The following ORC1 variants were observed in gnomAD, a reference collection of about 807,000 sequenced individuals.
ORC1 encodes origin recognition complex subunit 1.
In ORC1, 61 loss-of-function variants were observed where a neutral mutation model predicts 98.9. That is an observed-to-expected ratio of 0.62 (90% CI 0.50 to 0.76). The LOEUF (loss-of-function observed/expected upper bound fraction) is 0.76, where lower values mean the gene tolerates loss of function less well. Among genes scored for constraint, ORC1 ranks in the 30% least tolerant of loss-of-function variants. The pLI, the probability that ORC1 is intolerant of heterozygous loss-of-function variation, is 0.00. For synonymous variants in ORC1, 385 were observed against 406.9 expected (o/e 0.95, Z 0.65); for missense variants, 979 against 1,072.2 (o/e 0.91, Z 1.21).
intron 5 of ORC1, among the ~76,000 whole-genome samples, chr1:52,395,175 A>C (rs1021618218): frequency 7.2e-5 from 11 of 152,196 alleles, no homozygotes; most frequent in Non-Finnish European, 2.9e-5. Context: ...CTGTGGGGTG[A>C]GTTTCAGATA....
chr1:52,393,467 A>C lies in ORC1; in HGVS notation c.1058T>G (p.Leu353Arg). The change falls in exon 6 of 17, where the codon CTG becomes CGG. Residue 353 changes from leucine (L) to arginine (R), a missense_variant. By Grantham distance (102) the Leu-to-Arg change is moderately radical. Transcript: ENST00000371568. ...CCTCTTTTTGATGTTTTCTGGTTTC[A>C]GAATCACGGATGGCACCACTGAAGA... ...QRSSVVPSVI[L>R]KPENIKKRDA... The C allele has an allele frequency of 6.2e-7, 1 of 1,614,236 alleles. No individual in the cohort carries two copies. The highest frequency in any genetic ancestry group is 2.2e-5 in the East Asian group (1 of 44,890).
chr1:52,393,870 A>G (rs908283769), intron 5 of ORC1, 67 bp from the exon 6 acceptor site: 35 of 1,503,874 alleles, frequency 2.3e-5, no homozygotes, highest in Non-Finnish European at 2.9e-5. Context: ...ATCTCATCAC[A>G]GCCAAATTCA....
At chr1:52,407,675 C>T (rs975946514), upstream of ORC1, among the ~76,000 whole-genome samples, 4 of 152,188 alleles carry the variant, frequency 2.6e-5, no homozygotes, top group Non-Finnish European at 5.9e-5. Flanking sequence ...AATCCCAGCA[C>T]TTTGGGAGGC....
In ORC1 at chr1:52,397,587, TG is replaced by T. The variant is rs1270405810; in HGVS notation, c.402+97del. ...ATGACAGGAAATAATGCATTCCCTATGGGGTATTAGAGCCGGTAATATTTCT... is the reference window on the plus strand; with the variant it reads ...ATGACAGGAAATAATGCATTCCCTATGGGTATTAGAGCCGGTAATATTTCT... On this transcript the variant is annotated intron_variant, in intron 4 of 16. Transcript: ENST00000371568. The T allele has an allele frequency of 8.4e-5, 90 of 1,070,500 alleles. No individual in the cohort carries two copies. The Admixed American group carries it at 1.5e-3, about 18-fold the overall frequency. 66.3% of individuals were successfully genotyped at this position (1,070,500 alleles called of 1,614,324 possible). A position where few individuals can be genotyped will look rare whatever the true frequency, so the allele number is the denominator to read the frequency against.
upstream of ORC1, among the ~76,000 whole-genome samples, chr1:52,408,006 A>G (rs1270087971): frequency 6.6e-6 from 1 of 152,260 alleles, no homozygotes; most frequent in Non-Finnish European, 1.5e-5. Context: ...CAGTGAATTG[A>G]GATCGTGCCA....
upstream of ORC1, chr1:52,405,639 G>A (rs1647963398): frequency 1.9e-6 from 3 of 1,602,516 alleles, no homozygotes; most frequent in East Asian, 6.7e-5. Context: ...ACTAGGAAGA[G>A]CTTAGCCCTA....
chr1:52,393,909 T>A, intron 5 of ORC1, 106 bp from the exon 6 acceptor site: 2 of 1,230,586 alleles, frequency 1.6e-6, no homozygotes, highest in South Asian at 1.3e-5. Flanking sequence ...AAACAGGAAT[T>A]ATCTATATTT....
At position 52,385,149 on chromosome 1, in the gene ORC1, C is replaced by T. The variant is rs1472649440; in HGVS notation, c.1583+12G>A. The T allele has an allele frequency of 6.4e-7, 1 of 1,569,502 alleles. No homozygotes were observed. Among genetic ancestry groups the T allele is most frequent in the South Asian group, 1.1e-5 (1 of 90,164 alleles). On this transcript the variant is annotated intron_variant, in intron 10 of 16. Transcript: ENST00000371568. ...ATTCCCCAAACTACCCTGCCTGCCTCACATGACTCACCCTCCGGTATGGTC... is the reference window on the plus strand; with the variant it reads ...ATTCCCCAAACTACCCTGCCTGCCTTACATGACTCACCCTCCGGTATGGTC...
intron 6 of ORC1, 57 bp downstream of exon 6, chr1:52,393,386 A>G (rs1647265643): frequency 1.9e-6 from 3 of 1,611,358 alleles, no homozygotes; most frequent in Non-Finnish European, 2.5e-6. Context: ...TATGACTCAC[A>G]TACTTCACGT....
At chr1:52,399,910 A>G (rs1407933842) in intron 3 of ORC1, among the ~76,000 whole-genome samples, 1 of 152,168 alleles carries the variant, frequency 6.6e-6, no homozygotes. Context: ...TTATTACAGC[A>G]TACGATTAGT....
At position 52,385,890 on chromosome 1, in the gene ORC1, G is replaced by C; in HGVS notation, c.1443C>G (p.Ala481=). ...CCTCCAGCACACTGGCTGGCTCCTG[G>C]GCAGCCAGGCTTCGACTACGGATCT... ...APQIRSRSLA[A]QEPASVLEEA... Residue 481 remains alanine, a synonymous_variant, in exon 9 of 17, where the codon GCC becomes GCG. Transcript: ENST00000371568. 6.2e-7 allele frequency: 1 copy of C among 1,613,826 alleles called. No individual in the cohort carries two copies. The highest frequency in any genetic ancestry group is 8.5e-7 in the Non-Finnish European group (1 of 1,179,970).
intron 10 of ORC1, 130 bp from the exon 11 acceptor site, chr1:52,384,851 G>A: frequency 1.2e-6 from 1 of 814,488 alleles, no homozygotes; most frequent in East Asian, 2.7e-5. Flanking sequence ...GGGGGCAGTA[G>A]GGACCATCCT....
chr1:52,384,068 A>G (rs906639644), intron 11 of ORC1, 131 bp from the exon 12 acceptor site: 8 of 738,008 alleles, frequency 1.1e-5, no homozygotes, highest in Non-Finnish European at 1.9e-5. Context: ...CTCCCAATCT[A>G]GTCTTAACCT....
upstream of ORC1, chr1:52,404,930 C>T: frequency 6.3e-7 from 1 of 1,599,138 alleles, no homozygotes; most frequent in Non-Finnish European, 8.5e-7. Flanking sequence ...GCCCATTTCT[C>T]CTGACCGAGC....
chr1:52,385,074 C>T lies in ORC1; in HGVS notation c.1583+87G>A, dbSNP rs563242691. On this transcript the variant is annotated intron_variant, in intron 10 of 16. Coordinates refer to ENST00000371568, the MANE Select transcript of ORC1 (RefSeq NM_004153.4). ...TCTAGTCTGCTGATACTGGAGAAAG[C>T]CTGTATGGCTGAACTGTAACACCCA... 118 of 875,362 alleles carry T rather than the reference C, an allele frequency of 1.3e-4. No individual in the cohort carries two copies. In the African/African-American group the frequency reaches 1.4e-3, roughly 10 times the overall value. 54.2% of individuals were successfully genotyped at this position (875,362 alleles called of 1,614,324 possible).
At chr1:52,390,190 AAAC>A (rs1274853091) in intron 6 of ORC1, among the ~76,000 whole-genome samples, 1 of 152,228 alleles carries the variant, frequency 6.6e-6, no homozygotes, top group African/African-American at 2.4e-5. Flanking sequence ...GAACTAGAAA[AAAC>A]AATACTAAAA....
In ORC1 at chr1:52,389,242, T is replaced by C. The variant is rs1476760968; in HGVS notation, c.1162A>G (p.Met388Val). ...RIRRKSSVLT[M>V]NRIRQQLRFL... ...CGAAGCTGCTGCCTAATCCGATTCATAGTCAAGACAGAACTCTTTCTGCGG... is the reference window on the plus strand; with the variant it reads ...CGAAGCTGCTGCCTAATCCGATTCACAGTCAAGACAGAACTCTTTCTGCGG... The change falls in exon 7 of 17, where the codon ATG becomes GTG. Residue 388 changes from methionine (M) to valine (V), a missense_variant. Transcript: ENST00000371568. The C allele has an allele frequency of 1.2e-6, 2 of 1,614,146 alleles. No homozygotes were observed. Among genetic ancestry groups the C allele is most frequent in the Non-Finnish European group, 1.7e-6 (2 of 1,179,982 alleles).
chr1:52,392,209 A>C (rs1359630132), intron 6 of ORC1, among the ~76,000 whole-genome samples: 2 of 151,842 alleles, frequency 1.3e-5, no homozygotes, highest in South Asian at 2.1e-4. Flanking sequence ...CGCTCACTGC[A>C]AACTCCGCCT....
chr1:52,390,253 A>C (rs1647191306), intron 6 of ORC1, among the ~76,000 whole-genome samples: 1 of 152,258 alleles, frequency 6.6e-6, no homozygotes, highest in African/African-American at 2.4e-5. Context: ...AATACTAAGC[A>C]AAAAGAAAAA....
Sources: allele counts gnomAD v4.1 joint callset (sites outside exome capture counted in the v4.1 genomes callset), GRCh38; gene constraint gnomAD v4.1.1; transcripts MANE v1.5; gene names NCBI Gene and HGNC (gene_info 2026-07-23, HGNC 2026-07-21).